Variants in PRELID2 observed in about 807,000 individuals in gnomAD.
PRELID2 encodes the protein PRELI domain-containing protein 2.
A neutral mutation model predicts 28.4 loss-of-function variants in PRELID2; 25 were observed. The ratio of observed to expected loss-of-function variants is 0.88; its 90% CI spans 0.64 to 1.23. The LOEUF is 1.23. Ranked by LOEUF, PRELID2 falls within the 50% of genes most tolerant of loss-of-function variation. The pLI is 0.00. For synonymous variants in PRELID2, 76 were observed against 71.6 expected, an observed-to-expected ratio of 1.06 and a Z score of -0.31; for missense variants, 201 against 214.4, an observed-to-expected ratio of 0.94 and a Z score of 0.39.
At chr5:145,639,186 A>T (rs1046888542) in intron 1 of PRELID2, among the ~76,000 whole-genome samples, 3 of 152,214 alleles carry the variant, frequency 2.0e-5, no homozygotes, top group African/African-American at 7.2e-5. Flanking sequence ...AGGAAAACCT[A>T]TTGCATATAT....
At chr5:145,737,661 G>A (rs1039353415) in intron 1 of PRELID2, among the ~76,000 whole-genome samples, 1 of 152,138 alleles carries the variant, frequency 6.6e-6, no homozygotes, top group Non-Finnish European at 1.5e-5. Context: ...GTCTTGCAAG[G>A]CAGAAATGTT....
At chr5:145,568,792 C>G (rs1157724173) in intron 1 of PRELID2, among the ~76,000 whole-genome samples, 1 of 152,198 alleles carries the variant, frequency 6.6e-6, no homozygotes, top group Non-Finnish European at 1.5e-5. Flanking sequence ...TTCCTGCATG[C>G]TAGCACAATA....
chr5:145,657,943 T>C (rs894392522), intron 1 of PRELID2, among the ~76,000 whole-genome samples: 3 of 152,278 alleles, frequency 2.0e-5, no homozygotes, highest in East Asian at 3.9e-4. Context: ...GTATCATTAT[T>C]CCCCCATCTC....
At chr5:145,308,676 C>A in the PRELID2 span, among the ~76,000 whole-genome samples, 1 of 151,586 alleles carries the variant, frequency 6.6e-6, no homozygotes, top group African/African-American at 2.4e-5. Flanking sequence ...ATTTATTAAG[C>A]ATTTAATAGT....
intron 1 of PRELID2, among the ~76,000 whole-genome samples, chr5:145,569,760 G>C (rs1039813244): frequency 3.3e-5 from 5 of 152,176 alleles, no homozygotes. Flanking sequence ...TGTTCATTGA[G>C]GATTTACTGT....
intron 4 of PRELID2, among the ~76,000 whole-genome samples, chr5:145,809,905 C>A (rs188538374): frequency 7.3e-4 from 111 of 152,264 alleles, no homozygotes; most frequent in Middle Eastern, 3.4e-3. Context: ...ATGTCAATTA[C>A]TAAAACCAAA....
intron 1 of PRELID2, among the ~76,000 whole-genome samples, chr5:145,477,622 A>T (rs1752115039): frequency 6.6e-6 from 1 of 152,206 alleles, no homozygotes; most frequent in Non-Finnish European, 1.5e-5. Flanking sequence ...AATGAATCAC[A>T]GTTCCCAAAG....
chr5:145,546,728 G>A (rs1250704699), intron 1 of PRELID2, among the ~76,000 whole-genome samples: 1 of 152,110 alleles, frequency 6.6e-6, no homozygotes, highest in Admixed American at 6.6e-5. Context: ...AACTGGTTAT[G>A]TTCAGGTGTT....
chr5:145,719,578 C>A (rs1755933256), intron 1 of PRELID2, among the ~76,000 whole-genome samples: 1 of 151,628 alleles, frequency 6.6e-6, no homozygotes, highest in South Asian at 2.1e-4. Context: ...GATCGATATC[C>A]ATTGAAGAAG....
chr5:145,418,732 A>AT, the PRELID2 span, among the ~76,000 whole-genome samples: 9 of 151,522 alleles, frequency 5.9e-5, no homozygotes, highest in Admixed American at 2.6e-4. Context: ...CCATATACAA[A>AT]TTTTTTTTTA....
At chr5:145,348,069 A>C in the PRELID2 span, among the ~76,000 whole-genome samples, 1 of 152,164 alleles carries the variant, frequency 6.6e-6, no homozygotes, top group East Asian at 1.9e-4. Flanking sequence ...AGCAATAAAC[A>C]GGCAATTTAT....
At chr5:145,493,871 A>C (rs1450409858) in intron 1 of PRELID2, among the ~76,000 whole-genome samples, 1 of 152,092 alleles carries the variant, frequency 6.6e-6, no homozygotes, top group Admixed American at 6.6e-5. Context: ...TAGCTTTTAT[A>C]TTTTTAAATG....
the PRELID2 span, among the ~76,000 whole-genome samples, chr5:145,313,650 G>C: frequency 6.6e-6 from 1 of 152,206 alleles, no homozygotes; most frequent in East Asian, 1.9e-4. Context: ...AGAGAGGATA[G>C]ATATCACATT....
At chr5:145,413,464 G>A in the PRELID2 span, among the ~76,000 whole-genome samples, 3 of 152,096 alleles carry the variant, frequency 2.0e-5, no homozygotes, top group African/African-American at 7.2e-5. Context: ...ATTTGATCCA[G>A]AATCCCACTA....
chr5:145,800,235 A>G (rs1349895299), intron 4 of PRELID2, among the ~76,000 whole-genome samples: 1 of 151,764 alleles, frequency 6.6e-6, no homozygotes, highest in Non-Finnish European at 1.5e-5. Context: ...TAGATCATGC[A>G]TACAATAAAA....
chr5:145,824,465 ATATT>A (rs1407405758), intron 1 of PRELID2, among the ~76,000 whole-genome samples: 1 of 32,200 alleles, frequency 3.1e-5, no homozygotes, highest in African/African-American at 7.4e-5. Flanking sequence ...TGTGTGTGTG[ATATT>A]GATTTATTAA....
At chr5:145,366,432 A>T in the PRELID2 span, among the ~76,000 whole-genome samples, 1 of 151,860 alleles carries the variant, frequency 6.6e-6, no homozygotes, top group Non-Finnish European at 1.5e-5. Context: ...CTTATTTGGC[A>T]AACATGTGAT....
the PRELID2 span, among the ~76,000 whole-genome samples, chr5:145,280,875 T>C: frequency 1.3e-5 from 2 of 151,998 alleles, no homozygotes; most frequent in African/African-American, 4.8e-5. Context: ...AGAATAATTT[T>C]AGTTGCAAAT....
At chr5:145,680,042 A>G (rs1754902567) in intron 1 of PRELID2, among the ~76,000 whole-genome samples, 1 of 152,076 alleles carries the variant, frequency 6.6e-6, no homozygotes, top group African/African-American at 2.4e-5. Flanking sequence ...GGGGACATGG[A>G]TTATAAAAGC....
Sources: allele counts gnomAD v4.1 joint callset (sites outside exome capture counted in the v4.1 genomes callset), GRCh38; gene constraint gnomAD v4.1.1; transcripts MANE v1.5; gene names NCBI Gene and HGNC (gene_info 2026-07-23, HGNC 2026-07-21).